Variants in DMXL1 observed in about 807,000 individuals in gnomAD.
DMXL1 encodes the protein dmX-like protein 1.
DMXL1 carries 99 observed loss-of-function variants against 319.2 expected under a neutral mutation model. The ratio of observed to expected loss-of-function variants is 0.31; its 90% CI spans 0.26 to 0.37. The LOEUF (loss-of-function observed/expected upper bound fraction) is 0.37, where lower values mean the gene tolerates loss of function less well. Ranked by LOEUF, DMXL1 falls within the 10% of genes least tolerant of loss-of-function variation. DMXL1 has a pLI of 1.00. For synonymous variants in DMXL1, 1,385 were observed against 1,235.2 expected (o/e 1.12, Z -2.54); for missense variants, 3,745 against 3,595.6 (o/e 1.04, Z -1.06).
chr5:119,168,185 C>G (rs946269343), intron 23 of DMXL1, among the ~76,000 whole-genome samples: 31 of 152,208 alleles, frequency 2.0e-4, no homozygotes, highest in African/African-American at 7.5e-4. Context: ...GTGTGTTTGT[C>G]AATCAGTTTT....
intron 39 of DMXL1, 49 bp from the exon 40 acceptor site, chr5:119,237,273 A>G (rs779444477): frequency 4.3e-6 from 5 of 1,156,624 alleles, no homozygotes; most frequent in South Asian, 2.9e-5. Flanking sequence ...GGATAAATAT[A>G]TGCTTTTATA....
chr5:119,201,988 T>C (rs1780789631), intron 32 of DMXL1, among the ~76,000 whole-genome samples: 1 of 152,286 alleles, frequency 6.6e-6, no homozygotes, highest in South Asian at 2.1e-4. Context: ...GCTGGCAGTC[T>C]GTCTGTCTTA....
Position 119,126,604 on chromosome 5 carries a change from G to A in DMXL1, c.1103-2607G>A, listed in dbSNP as rs191781160. Among the ~76,000 whole-genome samples, 604 of 152,274 alleles carry A rather than the reference G, an allele frequency of 4.0e-3. 10 individuals carry two copies. The highest frequency in any genetic ancestry group is 0.026 in the South Asian group (127 of 4,826). On this transcript the variant is annotated intron_variant, in intron 9 of 43. Transcript: ENST00000539542. ...GGACAATTCAAGCATCGTAATCTCTGTAAATAACAATAACAAAAAAAATTT... is the reference window on the plus strand; with the variant it reads ...GGACAATTCAAGCATCGTAATCTCTATAAATAACAATAACAAAAAAAATTT...
intron 28 of DMXL1, among the ~76,000 whole-genome samples, chr5:119,184,182 A>C (rs971738927): frequency 6.6e-6 from 1 of 152,070 alleles, no homozygotes; most frequent in Non-Finnish European, 1.5e-5. Context: ...CAGTGCCCCA[A>C]GTAGCTGGGA....
At chr5:119,202,448 A>C (rs1439451394) in intron 32 of DMXL1, among the ~76,000 whole-genome samples, 2 of 152,182 alleles carry the variant, frequency 1.3e-5, no homozygotes, top group African/African-American at 4.8e-5. Flanking sequence ...ACAGTCCCTA[A>C]TTCAAATCTG....
At chr5:119,124,055 T>C (rs1201862579) in intron 9 of DMXL1, among the ~76,000 whole-genome samples, 1 of 151,572 alleles carries the variant, frequency 6.6e-6, no homozygotes, top group East Asian at 2.0e-4. Context: ...ATACCTGTAA[T>C]CCCAACACTT....
intron 25 of DMXL1, among the ~76,000 whole-genome samples, chr5:119,175,053 G>A (rs1561798603): frequency 1.3e-5 from 2 of 152,106 alleles, no homozygotes; most frequent in Non-Finnish European, 2.9e-5. Context: ...AATTTCTGCT[G>A]AAGACTTTAG....
At chr5:119,161,153 A>T (rs964969618) in intron 19 of DMXL1, among the ~76,000 whole-genome samples, 4 of 151,992 alleles carry the variant, frequency 2.6e-5, no homozygotes, top group Non-Finnish European at 4.4e-5. Flanking sequence ...GCCTGAAATG[A>T]CCCCAGGGAG....
intron 2 of DMXL1, among the ~76,000 whole-genome samples, chr5:119,099,816 C>A (rs1178733152): frequency 6.6e-6 from 1 of 151,910 alleles, no homozygotes; most frequent in African/African-American, 2.4e-5. Context: ...CAGCTTGGGG[C>A]AACCCTGTCT....
chr5:119,167,067 G>T (rs1055246127), intron 22 of DMXL1, among the ~76,000 whole-genome samples: 3 of 152,074 alleles, frequency 2.0e-5, no homozygotes, highest in Non-Finnish European at 2.9e-5. Context: ...TGTCCTACCA[G>T]TTTAAACATA....
intron 1 of DMXL1, 42 bp from the exon 2 acceptor site, chr5:119,097,937 T>G: frequency 6.6e-7 from 1 of 1,508,742 alleles, no homozygotes; most frequent in Non-Finnish European, 9.0e-7. Context: ...TGGTAAATGT[T>G]TCCTTGACAC....
At chr5:119,157,657 T>C (rs1270624087) in intron 19 of DMXL1, among the ~76,000 whole-genome samples, 4 of 152,334 alleles carry the variant, frequency 2.6e-5, no homozygotes, top group East Asian at 3.9e-4. Context: ...TTCCGTGCCT[T>C]CTATTCTGTT....
chr5:119,135,176 T>G (rs935638628), intron 13 of DMXL1, among the ~76,000 whole-genome samples: 20 of 151,838 alleles, frequency 1.3e-4, no homozygotes, highest in Non-Finnish European at 2.6e-4. Context: ...GTATATATTT[T>G]GGGGGGGGTC....
At chr5:119,117,755 G>C (rs1053735390) in intron 7 of DMXL1, among the ~76,000 whole-genome samples, 1 of 152,112 alleles carries the variant, frequency 6.6e-6, no homozygotes, top group African/African-American at 2.4e-5. Flanking sequence ...CAAGAATGGA[G>C]GAGGGAAGGA....
intron 33 of DMXL1, 89 bp from the exon 34 acceptor site, chr5:119,206,745 T>G (rs957560310): frequency 5.2e-6 from 4 of 772,452 alleles, no homozygotes; most frequent in African/African-American, 1.8e-5. Flanking sequence ...AAATTTGGTT[T>G]AAAATATAGC....
At position 119,152,007 on chromosome 5, in the gene DMXL1, C is replaced by T. The variant is rs866918208; in HGVS notation, c.4673C>T (p.Pro1558Leu). 1.9e-6 allele frequency: 3 copies of T among 1,612,510 alleles called. No individual in the cohort carries two copies. Among genetic ancestry groups the T allele is most frequent in the Middle Eastern group, 1.7e-4 (1 of 6,054 alleles). The change falls in exon 19 of 44, where the codon CCA becomes CTA. Residue 1558 changes from proline to leucine, a missense_variant. Coordinates refer to ENST00000539542, the MANE Select transcript of DMXL1 (RefSeq NM_001290321.3). ...CATACCTTTCTTACAACTTCCCTTC[C>T]AGCCTATCGAGCTCAACTCCTTCAC... Reference protein sequence around the residue: ...RLHTFLTTSLPAYRAQLLHQG... With the variant: ...RLHTFLTTSLLAYRAQLLHQG...
At chr5:119,115,671 A>T (rs991223354) in intron 6 of DMXL1, among the ~76,000 whole-genome samples, 6 of 152,180 alleles carry the variant, frequency 3.9e-5, no homozygotes, top group Non-Finnish European at 7.3e-5. Flanking sequence ...ATGACTATAA[A>T]TTTGATTGTA....
intron 8 of DMXL1, among the ~76,000 whole-genome samples, chr5:119,119,645 A>T (rs1279919376): frequency 2.0e-5 from 3 of 150,344 alleles, no homozygotes; most frequent in African/African-American, 7.4e-5. Context: ...GAGTAGCTGG[A>T]ATTACAGGTG....
intron 9 of DMXL1, among the ~76,000 whole-genome samples, chr5:119,126,048 T>C (rs903923771): frequency 2.0e-5 from 3 of 152,140 alleles, no homozygotes; most frequent in Admixed American, 2.0e-4. Context: ...CCCAGCACTT[T>C]GGGAGGCCGA....
Sources: allele counts gnomAD v4.1 joint callset (sites outside exome capture counted in the v4.1 genomes callset), GRCh38; gene constraint gnomAD v4.1.1; transcripts MANE v1.5; gene names NCBI Gene and HGNC (gene_info 2026-07-23, HGNC 2026-07-21).